FAM135B: variants seen among roughly 807,000 people sequenced by gnomAD.
FAM135B encodes family with sequence similarity 135 member B.
FAM135B carries 43 observed loss-of-function variants against 127.7 expected under a neutral mutation model. That is an observed-to-expected ratio of 0.34 (90% confidence interval 0.26 to 0.43). The LOEUF is 0.43. Ranked by LOEUF, FAM135B falls within the 20% of genes least tolerant of loss-of-function variation. The pLI, the probability that FAM135B is intolerant of heterozygous loss-of-function variation, is 1.00. For synonymous variants in FAM135B, 670 were observed against 665.1 expected (o/e 1.01, Z -0.11); for missense variants, 1,558 against 1,725.6 (o/e 0.90, Z 1.72).
At chr8:138,240,290 C>A (rs959313588) in intron 7 of FAM135B, among the ~76,000 whole-genome samples, 1 of 152,104 alleles carries the variant, frequency 6.6e-6, no homozygotes, top group African/African-American at 2.4e-5. Flanking sequence ...TTGGCTGGGC[C>A]GTGCTCAGAT....
At chr8:138,207,784 A>T (rs558370106) in intron 7 of FAM135B, among the ~76,000 whole-genome samples, 1 of 152,314 alleles carries the variant, frequency 6.6e-6, no homozygotes, top group African/African-American at 2.4e-5. Context: ...AATAAGAAAC[A>T]GGTCTGCCTT....
intron 7 of FAM135B, among the ~76,000 whole-genome samples, chr8:138,207,587 A>T (rs185407735): frequency 6.6e-6 from 1 of 152,226 alleles, no homozygotes; most frequent in Admixed American, 6.5e-5. Context: ...CTCCTGAGGG[A>T]CAGTTCATTG....
At chr8:138,157,939 A>G (rs998575532) in intron 12 of FAM135B, among the ~76,000 whole-genome samples, 1 of 152,190 alleles carries the variant, frequency 6.6e-6, no homozygotes, top group Non-Finnish European at 1.5e-5. Flanking sequence ...ACAGAATTGG[A>G]AAAAACTACT....
At chr8:138,237,150 ATTTTTTTT>A (rs10604150) in intron 7 of FAM135B, among the ~76,000 whole-genome samples, 16 of 101,340 alleles carry the variant, frequency 1.6e-4, no homozygotes, top group East Asian at 6.3e-4. Flanking sequence ...TGGATCCTTG[ATTTTTTTT>A]TTTTTTTTTT....
Position 138,310,821 on chromosome 8 carries a change from A to G in FAM135B, c.157+20T>C, listed in dbSNP as rs904193551. The G allele has an allele frequency of 1.2e-6, 2 of 1,610,706 alleles. No individual in the cohort carries two copies. Among genetic ancestry groups the G allele is most frequent in the Non-Finnish European group, 1.7e-6 (2 of 1,178,252 alleles). On this transcript the variant is annotated intron_variant, in intron 3 of 19. Transcript: ENST00000395297. Reference sequence around the variant, plus strand: ...GTTCGCCATTGGGGGCAAGTGCCCCATTGCCATTCTTCTGCTCACCTGTCT... The same window carrying G: ...GTTCGCCATTGGGGGCAAGTGCCCCGTTGCCATTCTTCTGCTCACCTGTCT...
At chr8:138,330,246 TG>T (rs1378690197) in intron 2 of FAM135B, among the ~76,000 whole-genome samples, 1 of 152,200 alleles carries the variant, frequency 6.6e-6, no homozygotes, top group Non-Finnish European at 1.5e-5. Flanking sequence ...AGTTCAAAGT[TG>T]TGGCTGCTGC....
intron 2 of FAM135B, among the ~76,000 whole-genome samples, chr8:138,324,836 G>C (rs567394260): frequency 6.6e-6 from 1 of 152,234 alleles, no homozygotes; most frequent in East Asian, 1.9e-4. Context: ...TCCTGACCGG[G>C]GGAAGAATTA....
At chr8:138,303,823 C>T (rs997143677) in intron 3 of FAM135B, among the ~76,000 whole-genome samples, 1 of 152,106 alleles carries the variant, frequency 6.6e-6, no homozygotes, top group African/African-American at 2.4e-5. Context: ...CTGCACTGAT[C>T]CTTCAAACAT....
At chr8:138,417,105 T>C (rs1481570116) in intron 1 of FAM135B, among the ~76,000 whole-genome samples, 2 of 152,166 alleles carry the variant, frequency 1.3e-5, no homozygotes, top group African/African-American at 2.4e-5. Flanking sequence ...AGCACAGTCA[T>C]TGGTGCTCAT....
intron 1 of FAM135B, among the ~76,000 whole-genome samples, chr8:138,488,707 G>C (rs184810099): frequency 8.0e-4 from 122 of 152,120 alleles, no homozygotes; most frequent in Middle Eastern, 3.4e-3. Context: ...TCACTCTGTC[G>C]CCAGGCTGGA....
At chr8:138,385,081 C>T (rs1832109317) in intron 1 of FAM135B, among the ~76,000 whole-genome samples, 1 of 152,186 alleles carries the variant, frequency 6.6e-6, no homozygotes. Flanking sequence ...TACTGCTCCT[C>T]ACTCCGTTTC....
intron 5 of FAM135B, among the ~76,000 whole-genome samples, chr8:138,251,735 G>T (rs190306460): frequency 9.4e-4 from 143 of 152,232 alleles, no homozygotes; most frequent in Non-Finnish European, 1.6e-3. Flanking sequence ...AACATTGGTT[G>T]TTGCCTAAAT....
At chr8:138,255,728 C>T (rs1822033007) in intron 5 of FAM135B, among the ~76,000 whole-genome samples, 1 of 152,190 alleles carries the variant, frequency 6.6e-6, no homozygotes, top group African/African-American at 2.4e-5. Flanking sequence ...AGGGATGGGG[C>T]TGTGTGACTG....
intron 3 of FAM135B, among the ~76,000 whole-genome samples, chr8:138,272,172 CACTT>C (rs1321905143): frequency 1.3e-5 from 2 of 152,102 alleles, no homozygotes; most frequent in Non-Finnish European, 2.9e-5. Flanking sequence ...TTTCTCTCCT[CACTT>C]CAAATGCACT....
At chr8:138,397,872 C>T (rs1004899793) in intron 1 of FAM135B, among the ~76,000 whole-genome samples, 2 of 152,142 alleles carry the variant, frequency 1.3e-5, no homozygotes, top group African/African-American at 4.8e-5. Flanking sequence ...CCTGGTGTGC[C>T]TGCAAGGAAG....
chr8:138,412,943 G>A lies in FAM135B; in HGVS notation c.-19-44941C>T, dbSNP rs574602209. 4.6e-5 allele frequency among the ~76,000 whole-genome samples: 7 copies of A among 152,264 alleles called. No individual in the cohort carries two copies. The South Asian group carries it at 1.4e-3, about 32-fold the overall frequency. Reference sequence around the variant, plus strand: ...CTGCATGTGCAGAAGCCTTTGTTGGGCTGTGATTTCTGGGCAATCTAAGCT... The same window carrying A: ...CTGCATGTGCAGAAGCCTTTGTTGGACTGTGATTTCTGGGCAATCTAAGCT... On this transcript the variant is annotated intron_variant, in intron 1 of 19. Coordinates refer to ENST00000395297, the MANE Select transcript of FAM135B (RefSeq NM_015912.4).
At chr8:138,391,621 C>G (rs1013828026) in intron 1 of FAM135B, among the ~76,000 whole-genome samples, 1 of 152,208 alleles carries the variant, frequency 6.6e-6, no homozygotes, top group Non-Finnish European at 1.5e-5. Flanking sequence ...GCCATCCACC[C>G]CTGCACCACC....
At chr8:138,196,803 A>C (rs1256529995) in intron 8 of FAM135B, among the ~76,000 whole-genome samples, 1 of 152,172 alleles carries the variant, frequency 6.6e-6, no homozygotes, top group Non-Finnish European at 1.5e-5. Context: ...GTGGGACATG[A>C]CACAAAGGAC....
intron 1 of FAM135B, among the ~76,000 whole-genome samples, chr8:138,423,350 A>G (rs1016102752): frequency 6.6e-6 from 1 of 151,970 alleles, no homozygotes; most frequent in Non-Finnish European, 1.5e-5. Flanking sequence ...GGCGAAATTC[A>G]CCCCCGATAT....
Sources: gnomAD v4.1 joint callset for allele counts (sites outside exome capture counted in the v4.1 genomes callset) on GRCh38, gnomAD v4.1.1 for gene constraint, MANE v1.5 for transcripts, NCBI Gene and HGNC (gene_info 2026-07-23, HGNC 2026-07-21) for gene names.